Variants in SNX4 observed in about 807,000 individuals in gnomAD.
SNX4 encodes the protein sorting nexin-4.
SNX4 carries 49 observed loss-of-function variants against 70.8 expected under a neutral mutation model. The observed-to-expected ratio is 0.69, with a 90% CI of 0.55 to 0.88. The LOEUF (loss-of-function observed/expected upper bound fraction) is 0.88. Among genes scored for constraint, SNX4 ranks in the 40% least tolerant of loss-of-function variants. The pLI is 0.00. For synonymous variants in SNX4, 206 were observed against 183.8 expected (o/e 1.12, Z -0.98); for missense variants, 528 against 544.8 (o/e 0.97, Z 0.31).
In SNX4 at chr3:125,457,295, T is replaced by G. The variant is rs943107980; in HGVS notation, c.1015A>C (p.Lys339Gln). 6.2e-7 allele frequency: 1 copy of G among 1,613,994 alleles called. No homozygotes were observed. The highest frequency in any genetic ancestry group is 1.6e-4 in the Middle Eastern group (1 of 6,062). The stretch of plus-strand genomic sequence containing the variant: ...GTTACCAGTTCCTCACACTGCTGCT[T>G]CTTGGATGCTAAGTCCTGAGCAGCC... ...EMAAQDLASKKQQCEELVTGT... is the reference protein window; with the variant it reads ...EMAAQDLASKQQQCEELVTGT... The change falls in exon 11 of 14, where the codon AAG (lysine) becomes CAG (glutamine). Residue 339 changes from lysine to glutamine, a missense_variant. Lys to Gln is a moderately conservative substitution (Grantham distance 53). Transcript: ENST00000251775.
intron 13 of SNX4, among the ~76,000 whole-genome samples, chr3:125,450,731 G>A (rs1431843495): frequency 1.3e-5 from 2 of 152,126 alleles, no homozygotes; most frequent in Admixed American, 1.3e-4. Flanking sequence ...TTTCACTATG[G>A]ATATCAGCAA....
intron 6 of SNX4, 86 bp from the exon 7 acceptor site, chr3:125,480,405 A>C (rs1455954481): frequency 3.0e-6 from 2 of 666,072 alleles, no homozygotes; most frequent in African/African-American, 3.7e-5. Flanking sequence ...GTTCCCGACA[A>C]TAACAAAACT....
At chr3:125,474,744 T>C (rs1208665141) in intron 8 of SNX4, among the ~76,000 whole-genome samples, 1 of 152,252 alleles carries the variant, frequency 6.6e-6, no homozygotes, top group African/African-American at 2.4e-5. Context: ...ATTCAACCAA[T>C]TGATCTTTTG....
At chr3:125,519,937 TGGCCC>T (rs529152980) in intron 1 of SNX4, 90 bp downstream of exon 1, 16,847 of 868,892 alleles carry the variant, frequency 0.019, 77 homozygotes, top group Non-Finnish European at 0.022. Flanking sequence ...CCGAGCCCAC[TGGCCC>T]GGCCCGGCCC....
At position 125,510,518 on chromosome 3, in the gene SNX4, C is replaced by T. The variant is rs139619244; in HGVS notation, c.142-5774G>A. ...TGCTGGGATTACAGGCGTGAGCCAC[C>T]GCGCCCGGCTGAATGGATTTTTTGA... On this transcript the variant is annotated intron_variant, in intron 1 of 13. Transcript: ENST00000251775. 2.1e-4 allele frequency among the ~76,000 whole-genome samples: 32 copies of T among 152,250 alleles called. No homozygotes were observed. The East Asian group carries it at 5.4e-3, about 26-fold the overall frequency.
chr3:125,491,304 G>T (rs546328443), intron 5 of SNX4, among the ~76,000 whole-genome samples: 2 of 152,298 alleles, frequency 1.3e-5, no homozygotes, highest in African/African-American at 2.4e-5. Flanking sequence ...AAAGGCTCTT[G>T]TAAGTGTTCA....
intron 10 of SNX4, among the ~76,000 whole-genome samples, chr3:125,459,074 T>C (rs1483040595): frequency 6.6e-6 from 1 of 151,996 alleles, no homozygotes; most frequent in East Asian, 1.9e-4. Flanking sequence ...CTTGGGAGGC[T>C]GAGGCAGGAG....
Position 125,463,979 on chromosome 3 carries a change from C to T in SNX4, c.855-3119G>A, listed in dbSNP as rs554983457. Among the ~76,000 whole-genome samples, 247 of 152,060 alleles carry T rather than the reference C, an allele frequency of 1.6e-3. 1 individual carries two copies. Among genetic ancestry groups the T allele is most frequent in the Non-Finnish European group, 2.8e-3 (192 of 67,982 alleles). On this transcript the variant is annotated intron_variant, in intron 9 of 13. Coordinates refer to ENST00000251775, the MANE Select transcript of SNX4 (RefSeq NM_003794.4). ...ATCCCAGCACTTTGAGAGGCTATGA[C>T]GGTGGATTACTTGAGCCCAGGAGTT...
chr3:125,500,944 C>T (rs1278137702), intron 2 of SNX4, among the ~76,000 whole-genome samples: 1 of 143,632 alleles, frequency 7.0e-6, no homozygotes, highest in East Asian at 2.0e-4. Context: ...GGACTACAGA[C>T]AGTTGCTAAA....
At chr3:125,501,233 TA>T (rs1934925820) in intron 2 of SNX4, among the ~76,000 whole-genome samples, 1 of 152,130 alleles carries the variant, frequency 6.6e-6, no homozygotes, top group African/African-American at 2.4e-5. Flanking sequence ...AAGAATTTCT[TA>T]AAACAGAAAA....
chr3:125,495,735 T>C (rs1038355089), intron 5 of SNX4, among the ~76,000 whole-genome samples: 1 of 152,200 alleles, frequency 6.6e-6, no homozygotes, highest in African/African-American at 2.4e-5. Flanking sequence ...AACTGATAAC[T>C]ATTAACTGCA....
intron 2 of SNX4, among the ~76,000 whole-genome samples, chr3:125,499,159 T>TA (rs1934872274): frequency 6.6e-6 from 1 of 152,200 alleles, no homozygotes; most frequent in South Asian, 2.1e-4. Context: ...AAAGTTAAGG[T>TA]AAAATCATAT....
chr3:125,453,985 T>C (rs373976510), intron 11 of SNX4, 30 bp from the exon 12 acceptor site: 138 of 1,599,296 alleles, frequency 8.6e-5, no homozygotes, highest in Non-Finnish European at 1.2e-4. Flanking sequence ...GATGAATGGA[T>C]AAACAAAATG....
At chr3:125,482,345 C>CT (rs1559817187) in intron 6 of SNX4, among the ~76,000 whole-genome samples, 1 of 152,182 alleles carries the variant, frequency 6.6e-6, no homozygotes. Context: ...CCCTTGCACT[C>CT]TAAAGAATGA....
At chr3:125,458,559 G>A (rs1409288928) in intron 10 of SNX4, among the ~76,000 whole-genome samples, 1 of 152,152 alleles carries the variant, frequency 6.6e-6, no homozygotes, top group African/African-American at 2.4e-5. Context: ...GCTCATGCCT[G>A]TAATCCCAGC....
At chr3:125,498,406 G>C in intron 2 of SNX4, among the ~76,000 whole-genome samples, 1 of 151,930 alleles carries the variant, frequency 6.6e-6, no homozygotes, top group East Asian at 1.9e-4. Context: ...TGCAGCCTTC[G>C]CCTCCTGGGC....
At chr3:125,472,947 C>A (rs1934211101) in intron 8 of SNX4, among the ~76,000 whole-genome samples, 1 of 151,914 alleles carries the variant, frequency 6.6e-6, no homozygotes, top group African/African-American at 2.4e-5. Flanking sequence ...CCAGCCCCAG[C>A]CTCTTCTCAA....
At chr3:125,495,277 T>TATATATATATATATAGATACAC in intron 5 of SNX4, among the ~76,000 whole-genome samples, 1 of 99,618 alleles carries the variant, frequency 1.0e-5, no homozygotes, top group African/African-American at 3.6e-5. Context: ...TATATATATA[T>TATATATATATATATAGATACAC]ACACATACAC....
chr3:125,497,995 A>G lies in SNX4; in HGVS notation c.400-12T>C. The G allele has an allele frequency of 1.2e-6, 2 of 1,614,088 alleles. No individual in the cohort carries two copies. Among genetic ancestry groups the G allele is most frequent in the Non-Finnish European group, 1.7e-6 (2 of 1,180,012 alleles). On this transcript the variant is annotated splice_polypyrimidine_tract_variant and intron_variant, in intron 3 of 13. Coordinates refer to ENST00000251775, the MANE Select transcript of SNX4 (RefSeq NM_003794.4). Reference sequence around the variant, plus strand: ...CAAACAAATTCTGCCTAGGTAAACAAAATAATCATTAAGAATAGTCTCAAT... The same window carrying G: ...CAAACAAATTCTGCCTAGGTAAACAGAATAATCATTAAGAATAGTCTCAAT...
Sources: gnomAD v4.1 joint callset for allele counts (sites outside exome capture counted in the v4.1 genomes callset) on GRCh38, gnomAD v4.1.1 for gene constraint, MANE v1.5 for transcripts, NCBI Gene and HGNC (gene_info 2026-07-23, HGNC 2026-07-21) for gene names.